The following KCNIP2 variants were observed in gnomAD, a reference collection of about 807,000 sequenced individuals.
KCNIP2 encodes potassium voltage-gated channel interacting protein 2.
Under a neutral mutation model 39.0 loss-of-function variants are expected in KCNIP2, and 19 were observed. The ratio of observed to expected loss-of-function variants is 0.49; its 90% CI spans 0.34 to 0.71. KCNIP2 has a LOEUF of 0.71. KCNIP2 is among the 30% of genes least tolerant of loss of function. The pLI, the probability that KCNIP2 is intolerant of heterozygous loss-of-function variation, is 0.01. For synonymous variants in KCNIP2, 111 were observed against 131.2 expected, an observed-to-expected ratio of 0.85 and a Z score of 1.05; for missense variants, 261 against 346.0, an observed-to-expected ratio of 0.75 and a Z score of 1.95.
chr10:101,837,552 C>T (rs1035182457), intron 1 of KCNIP2, among the ~76,000 whole-genome samples: 5 of 152,042 alleles, frequency 3.3e-5, no homozygotes, highest in Non-Finnish European at 5.9e-5. Flanking sequence ...GCCTGTAATC[C>T]CAGCTACTCA....
chr10:101,839,808 CG>C (rs2066268514), intron 1 of KCNIP2: 7 of 1,610,310 alleles, frequency 4.3e-6, no homozygotes. Context: ...CCTGCCCCAG[CG>C]GGCTCCGGCA....
chr10:101,834,020 A>G (rs992653342), intron 1 of KCNIP2, among the ~76,000 whole-genome samples: 15 of 149,018 alleles, frequency 1.0e-4, no homozygotes, highest in African/African-American at 3.7e-4. Flanking sequence ...TGCACCCCTC[A>G]TCACCTCCTG....
intron 3 of KCNIP2, 133 bp from the exon 4 acceptor site, chr10:101,829,332 G>T: frequency 1.7e-6 from 2 of 1,208,216 alleles, no homozygotes; most frequent in South Asian, 1.6e-5. Context: ...AGTTCCCTGG[G>T]CCCCGAGCCA....
rs1320081797 is a variant in KCNIP2, at chr10:101,838,392, C to T, written c.73+5104G>A. Among the ~76,000 whole-genome samples, 2 of 152,168 alleles carry T rather than the reference C, an allele frequency of 1.3e-5. No individual in the cohort carries two copies. Among genetic ancestry groups the T allele is most frequent in the Non-Finnish European group, 2.9e-5 (2 of 68,034 alleles). ...GGGGGAACCCACTCTATGCAACTGT[C>T]CCACCTTCCCCAGTTTAGCTTTGTC... On this transcript the variant is annotated intron_variant, in intron 1 of 9. Coordinates refer to ENST00000356640, the MANE Select transcript of KCNIP2 (RefSeq NM_173191.3). The surrounding 1 kb of genome is among the most constrained non-coding windows in gnomAD (Gnocchi z 4.0).
intron 2 of KCNIP2, 104 bp downstream of exon 2, chr10:101,830,968 G>A (rs1219952930): frequency 2.9e-6 from 3 of 1,026,388 alleles, no homozygotes; most frequent in Non-Finnish European, 4.4e-6. Context: ...CAGGCCTGGA[G>A]CATGCGCACA....
intron 2 of KCNIP2, chr10:101,830,366 T>C: frequency 4.3e-5 from 54 of 1,269,506 alleles, no homozygotes; most frequent in Non-Finnish European, 5.5e-5. Flanking sequence ...GCAACACACA[T>C]CAGGGGTCCA....
chr10:101,842,842 T>C (rs1216822561), intron 1 of KCNIP2, among the ~76,000 whole-genome samples: 1 of 152,192 alleles, frequency 6.6e-6, no homozygotes. Context: ...CAACTAGCAC[T>C]GAACACTAAT....
rs756204812 is a variant in KCNIP2 at position 101,828,746 on chromosome 10, T to C, written c.349-50A>G. On this transcript the variant is annotated intron_variant, in intron 4 of 9. Transcript: ENST00000356640. This position sits in a 1 kb window ranked among gnomAD's most constrained non-coding sequence, Gnocchi z 6.6. The stretch of plus-strand genomic sequence containing the variant: ...AGGGCAGAGACAAAATCCCCTTCCG[T>C]TCACCGCCCCCACCCTCCATGGCCC... The C allele has an allele frequency of 1.2e-6, 2 of 1,613,534 alleles. No homozygotes were observed. Among genetic ancestry groups the C allele is most frequent in the South Asian group, 1.1e-5 (1 of 91,062 alleles).
chr10:101,841,915 G>C (rs1254696661), intron 1 of KCNIP2, among the ~76,000 whole-genome samples: 1 of 152,238 alleles, frequency 6.6e-6, no homozygotes, highest in Non-Finnish European at 1.5e-5. Context: ...ATTCATGGAA[G>C]AGCTGGACAG....
chr10:101,834,824 G>T (rs1440050242), intron 1 of KCNIP2, among the ~76,000 whole-genome samples: 1 of 152,184 alleles, frequency 6.6e-6, no homozygotes, highest in Non-Finnish European at 1.5e-5. Flanking sequence ...CAGATGCATG[G>T]GTCAGAATAT....
intron 1 of KCNIP2, chr10:101,834,138 G>C (rs1401848763): frequency 2.5e-6 from 1 of 396,530 alleles, no homozygotes; most frequent in Non-Finnish European, 4.4e-6. Context: ...TCACCTCCCA[G>C]ATCCCTGTGC....
At chr10:101,830,297 G>C (rs1425437217) in intron 2 of KCNIP2, 1 of 826,248 alleles carries the variant, frequency 1.2e-6, no homozygotes. Flanking sequence ...AAATACCCTG[G>C]CGTCTGGAGG....
intron 1 of KCNIP2, among the ~76,000 whole-genome samples, chr10:101,837,197 T>TA (rs1010680033): frequency 2.6e-5 from 4 of 152,220 alleles, no homozygotes; most frequent in Admixed American, 6.5e-5. Flanking sequence ...TTAGTCCTCA[T>TA]AATAAACCTG....
At chr10:101,835,921 T>C (rs972349093) in intron 1 of KCNIP2, among the ~76,000 whole-genome samples, 1 of 152,224 alleles carries the variant, frequency 6.6e-6, no homozygotes, top group Admixed American at 6.5e-5. Flanking sequence ...ATCTTCAAGA[T>C]CAGAGCTTCA....
intron 2 of KCNIP2, 37 bp from the exon 3 acceptor site, chr10:101,829,934 C>A: frequency 6.5e-7 from 1 of 1,542,366 alleles, no homozygotes; most frequent in South Asian, 1.2e-5. Context: ...AAGCGGAAGA[C>A]CCGGCCAACT....
intron 2 of KCNIP2, chr10:101,830,482 A>G: frequency 7.9e-7 from 1 of 1,268,830 alleles, no homozygotes; most frequent in South Asian, 1.3e-5. Context: ...CGCCACAGCT[A>G]CACAGGCTCA....
chr10:101,826,995 G>T lies in KCNIP2; in HGVS notation c.*358C>A. 5.0e-6 allele frequency: 1 copy of T among 199,474 alleles called. No homozygotes were observed. The allele number at this position is 199,474 out of a possible 1,614,324, so 12.4% of individuals were successfully genotyped here. ...GAGTCTTAGGGGAAATGTTTATGAG[G>T]TCAGGGATGGGGGAAGCACCATAGC... On this transcript the variant is annotated 3_prime_UTR_variant, in exon 10 of 10. Coordinates refer to ENST00000356640, the MANE Select transcript of KCNIP2 (RefSeq NM_173191.3).
At chr10:101,832,596 G>A (rs1016128538) in intron 1 of KCNIP2, among the ~76,000 whole-genome samples, 1 of 151,996 alleles carries the variant, frequency 6.6e-6, no homozygotes, top group African/African-American at 2.4e-5. Context: ...CACCCCAGGA[G>A]CCATGGAGAG....
At chr10:101,841,083 G>C (rs1309970499) in intron 1 of KCNIP2, among the ~76,000 whole-genome samples, 1 of 152,226 alleles carries the variant, frequency 6.6e-6, no homozygotes, top group Non-Finnish European at 1.5e-5. Context: ...GGGTCCGGGC[G>C]GGGCTCGGAC....
Sources: allele counts gnomAD v4.1 joint callset (sites outside exome capture counted in the v4.1 genomes callset), GRCh38; gene constraint gnomAD v4.1.1; non-coding constraint Gnocchi (gnomAD v3.1); transcripts MANE v1.5; gene names NCBI Gene and HGNC (gene_info 2026-07-23, HGNC 2026-07-21).